The following SLC24A2 variants were observed in gnomAD, a reference collection of about 807,000 sequenced individuals.
The protein encoded by SLC24A2 is sodium/potassium/calcium exchanger 2.
SLC24A2 carries 36 observed loss-of-function variants against 62.0 expected under a neutral mutation model. That is an observed-to-expected ratio of 0.58 (90% CI 0.44 to 0.77). The LOEUF is 0.77. SLC24A2 is among the 30% of genes least tolerant of loss of function. The pLI, the probability that SLC24A2 is intolerant of heterozygous loss-of-function variation, is 0.00. For missense variants in SLC24A2, 846 were observed against 817.9 expected, an observed-to-expected ratio of 1.03 and a Z score of -0.42; for synonymous variants, 358 against 294.0, an observed-to-expected ratio of 1.22 and a Z score of -2.23.
chr9:20,241,195 T>G, the SLC24A2 span, among the ~76,000 whole-genome samples: 1 of 152,252 alleles, frequency 6.6e-6, no homozygotes, highest in African/African-American at 2.4e-5. Flanking sequence ...ACTGAAGTTT[T>G]CTTACATTCA....
In SLC24A2 at chr9:19,734,685, C is replaced by G; in HGVS notation, c.930+51252G>C. 2.0e-5 allele frequency among the ~76,000 whole-genome samples: 3 copies of G among 152,178 alleles called. No homozygotes were observed. In the East Asian group the frequency reaches 5.8e-4, roughly 29 times the overall value. Reference sequence around the variant, plus strand: ...GTTCACTCATGATTTGGCTGTTTGTCTGTTATTGGTGTATAAGAATGCTTG... The same window carrying G: ...GTTCACTCATGATTTGGCTGTTTGTGTGTTATTGGTGTATAAGAATGCTTG... On this transcript the variant is annotated intron_variant, in intron 2 of 10. Transcript: ENST00000341998.
At chr9:20,163,825 C>A in the SLC24A2 span, among the ~76,000 whole-genome samples, 1 of 152,090 alleles carries the variant, frequency 6.6e-6, no homozygotes, top group Admixed American at 6.5e-5. Context: ...AGAAGTAACG[C>A]CGCATATCTA....
At chr9:19,703,596 G>A (rs1048392087) in intron 2 of SLC24A2, among the ~76,000 whole-genome samples, 7 of 152,218 alleles carry the variant, frequency 4.6e-5, no homozygotes, top group African/African-American at 1.7e-4. Context: ...GACTATTAGG[G>A]AAGACTTTCT....
At chr9:19,670,337 CT>C (rs1819379403) in intron 2 of SLC24A2, among the ~76,000 whole-genome samples, 1 of 152,258 alleles carries the variant, frequency 6.6e-6, no homozygotes, top group Non-Finnish European at 1.5e-5. Flanking sequence ...CCAAATATAA[CT>C]ATAGAACAAA....
chr9:20,108,924 TTA>T, the SLC24A2 span, among the ~76,000 whole-genome samples: 6 of 152,156 alleles, frequency 3.9e-5, no homozygotes, highest in Non-Finnish European at 8.8e-5. Context: ...TAAAAACATT[TTA>T]GTCAACAATA....
the SLC24A2 span, among the ~76,000 whole-genome samples, chr9:20,047,699 T>C: frequency 6.7e-6 from 1 of 149,018 alleles, no homozygotes; most frequent in Non-Finnish European, 1.5e-5. Flanking sequence ...GAGCTAGCCC[T>C]CTGGGGTCTC....
At chr9:20,101,433 C>T in the SLC24A2 span, among the ~76,000 whole-genome samples, 3 of 152,192 alleles carry the variant, frequency 2.0e-5, no homozygotes, top group Admixed American at 6.5e-5. Context: ...AACTGTTTGC[C>T]TTGGGGCAGA....
chr9:20,210,376 G>C, the SLC24A2 span, among the ~76,000 whole-genome samples: 1 of 152,170 alleles, frequency 6.6e-6, no homozygotes, highest in Admixed American at 6.5e-5. Context: ...AAATGTGTCA[G>C]GTGGTAGAAA....
At chr9:19,998,615 C>T in the SLC24A2 span, among the ~76,000 whole-genome samples, 1 of 152,238 alleles carries the variant, frequency 6.6e-6, no homozygotes, top group East Asian at 1.9e-4. Context: ...ATGACCACCC[C>T]TCTTCTCCAT....
intron 2 of SLC24A2, among the ~76,000 whole-genome samples, chr9:19,636,895 C>G (rs1223329440): frequency 1.3e-5 from 2 of 152,038 alleles, no homozygotes; most frequent in African/African-American, 2.4e-5. Flanking sequence ...GTCCATGACC[C>G]TAAAAAGGTT....
At chr9:19,692,915 C>G (rs1246239410) in intron 2 of SLC24A2, among the ~76,000 whole-genome samples, 1 of 152,048 alleles carries the variant, frequency 6.6e-6, no homozygotes, top group Non-Finnish European at 1.5e-5. Context: ...AGCTTCAGAT[C>G]CAAAAAATAC....
intron 2 of SLC24A2, among the ~76,000 whole-genome samples, chr9:19,706,989 C>T (rs943918152): frequency 5.9e-5 from 9 of 151,638 alleles, no homozygotes; most frequent in African/African-American, 2.2e-4. Context: ...AAAGGATCAA[C>T]AAAATTGATA....
chr9:19,958,413 C>T, the SLC24A2 span, among the ~76,000 whole-genome samples: 1 of 152,320 alleles, frequency 6.6e-6, no homozygotes, highest in South Asian at 2.1e-4. Flanking sequence ...TTCTTTGCCA[C>T]CATGGGGATT....
chr9:19,796,764 GA>G, the SLC24A2 span, among the ~76,000 whole-genome samples: 9 of 152,092 alleles, frequency 5.9e-5, no homozygotes, highest in East Asian at 3.9e-4. Context: ...CTTTTTGATG[GA>G]ATCTATTTTT....
the SLC24A2 span, among the ~76,000 whole-genome samples, chr9:20,008,454 G>A: frequency 2.6e-5 from 4 of 152,084 alleles, no homozygotes; most frequent in Non-Finnish European, 4.4e-5. Flanking sequence ...CTTCTTCATT[G>A]CTGAAGGATA....
At chr9:19,827,952 C>T in the SLC24A2 span, among the ~76,000 whole-genome samples, 1 of 152,180 alleles carries the variant, frequency 6.6e-6, no homozygotes, top group Non-Finnish European at 1.5e-5. Flanking sequence ...GTAATTCTCA[C>T]ATGTGCATGT....
the SLC24A2 span, among the ~76,000 whole-genome samples, chr9:20,196,445 G>C: frequency 1.3e-5 from 2 of 152,140 alleles, no homozygotes; most frequent in Non-Finnish European, 2.9e-5. Flanking sequence ...ATATGTAATT[G>C]ATTTTTTTAA....
chr9:20,014,010 CCAGCCT>C, the SLC24A2 span, among the ~76,000 whole-genome samples: 1 of 152,066 alleles, frequency 6.6e-6, no homozygotes, highest in Non-Finnish European at 1.5e-5. Flanking sequence ...GGAGTTGAGA[CCAGCCT>C]CAGTAACAAA....
chr9:19,636,386 T>TCCCTCC (rs1818351606), intron 2 of SLC24A2, among the ~76,000 whole-genome samples: 1 of 23,396 alleles, frequency 4.3e-5, no homozygotes, highest in African/African-American at 1.6e-4. Context: ...TTTCTTTCTT[T>TCCCTCC]CTCCCTCTCT....
Sources: allele counts gnomAD v4.1 joint callset (sites outside exome capture counted in the v4.1 genomes callset), GRCh38; gene constraint gnomAD v4.1.1; transcripts MANE v1.5; gene names NCBI Gene and HGNC (gene_info 2026-07-23, HGNC 2026-07-21).